Variants in CAMTA1 observed in about 807,000 individuals in gnomAD.
The protein encoded by CAMTA1 is calmodulin-binding transcription activator 1.
Under a neutral mutation model 170.9 loss-of-function variants are expected in CAMTA1, and 27 were observed. That is an observed-to-expected ratio of 0.16 (90% CI 0.12 to 0.22). The LOEUF is 0.22. Ranked by LOEUF, CAMTA1 falls within the 10% of genes least tolerant of loss-of-function variation. CAMTA1 has a pLI of 1.00. For synonymous variants in CAMTA1, 833 were observed against 891.5 expected (o/e 0.93, Z 1.17); for missense variants, 1,619 against 2,217.2 (o/e 0.73, Z 5.42).
Position 7,111,142 on chromosome 1 carries a change from T to C in CAMTA1, c.302+19771T>C, listed in dbSNP as rs534712828. On this transcript the variant is annotated intron_variant, in intron 4 of 22. Coordinates refer to ENST00000303635, the MANE Select transcript of CAMTA1 (RefSeq NM_015215.4). Reference sequence around the variant, plus strand: ...GCTCTCTTTCTCTGACCTCCTCTCCTGAGTCCCCCTTCTACTTCTAATGAC... The same window carrying C: ...GCTCTCTTTCTCTGACCTCCTCTCCCGAGTCCCCCTTCTACTTCTAATGAC... 2.3e-4 allele frequency among the ~76,000 whole-genome samples: 35 copies of C among 152,328 alleles called. No homozygotes were observed. The Middle Eastern group carries it at 0.021, about 89-fold the overall frequency.
At chr1:7,661,609 G>A in intron 7 of CAMTA1, 117 bp from the exon 8 acceptor site, 2 of 1,201,036 alleles carry the variant, frequency 1.7e-6, no homozygotes, top group Non-Finnish European at 2.4e-6. Flanking sequence ...CCAGGAGCCA[G>A]CTCCCCAGCA....
intron 3 of CAMTA1, among the ~76,000 whole-genome samples, chr1:7,060,149 G>A (rs1707990794): frequency 6.6e-6 from 1 of 152,222 alleles, no homozygotes. Flanking sequence ...GGTGGTATGA[G>A]TATGCTGTGG....
At chr1:7,572,610 T>G (rs1303459526) in intron 6 of CAMTA1, among the ~76,000 whole-genome samples, 4 of 152,212 alleles carry the variant, frequency 2.6e-5, no homozygotes, top group Non-Finnish European at 5.9e-5. Context: ...CTTTCCCCAT[T>G]GCTTGTTTTT....
Position 6,850,036 on chromosome 1 carries a change from G to GAA in CAMTA1, c.234+24845_234+24846dup, listed in dbSNP as rs146898163. Among the ~76,000 whole-genome samples, 10 of 65,046 alleles carry GAA rather than the reference G, an allele frequency of 1.5e-4. 1 individual carries two copies. Among genetic ancestry groups the GAA allele is most frequent in the African/African-American group, 2.2e-4 (4 of 18,128 alleles). 42.7% of individuals were successfully genotyped at this position (65,046 alleles called of 152,430 possible). A position where few individuals can be genotyped will look rare whatever the true frequency, so the allele number is the denominator to read the frequency against. ...GGCGACAGAGCAAGACTTTGTCTCA[G>GAA]AAAAAAAAAAAAAAAAAAAAGTTAG... On this transcript the variant is annotated intron_variant, in intron 3 of 22. Transcript: ENST00000303635.
rs552560786 is a variant in CAMTA1, at chr1:7,535,824, A to C, written c.510+67923A>C. Among the ~76,000 whole-genome samples the C allele has an allele frequency of 1.1e-4, 16 of 152,240 alleles. No individual in the cohort carries two copies. In the South Asian group the frequency reaches 3.3e-3, roughly 32 times the overall value. ...ACTTTGAGACCCACAGGCACCTTTC[A>C]AAGAGGCTTCTACCCCACAGGAACC... On this transcript the variant is annotated intron_variant, in intron 6 of 22. Coordinates refer to ENST00000303635, the MANE Select transcript of CAMTA1 (RefSeq NM_015215.4).
chr1:7,571,717 T>A (rs2095128811), intron 6 of CAMTA1, among the ~76,000 whole-genome samples: 1 of 152,230 alleles, frequency 6.6e-6, no homozygotes. Flanking sequence ...ATGTATCACA[T>A]TTTCTTTATC....
rs1055560499 is a variant in CAMTA1, at chr1:7,493,122, A to G, written c.510+25221A>G. Among the ~76,000 whole-genome samples the G allele has an allele frequency of 6.5e-4, 95 of 145,252 alleles. 7 individuals are homozygous for G. Among genetic ancestry groups the G allele is most frequent in the Admixed American group, 1.8e-3 (26 of 14,632 alleles). ...CACAAACCTACATACACACACGCGC[A>G]CACACAGACATACAAACGTGAGCAC... On this transcript the variant is annotated intron_variant, in intron 6 of 22. Transcript: ENST00000303635.
chr1:7,705,369 G>A lies in CAMTA1; in HGVS notation c.2915-27079G>A, dbSNP rs938301832. Among the ~76,000 whole-genome samples the A allele has an allele frequency of 5.3e-5, 8 of 151,508 alleles. No individual in the cohort carries two copies. The East Asian group carries it at 1.6e-3, about 30-fold the overall frequency. ...TGGAGTGGCCGAGGGCGTGAGGGGC[G>A]CGCGTGTTTGTGCGAGGGGCGTGTG... On this transcript the variant is annotated intron_variant, in intron 11 of 22. Coordinates refer to ENST00000303635, the MANE Select transcript of CAMTA1 (RefSeq NM_015215.4).
At chr1:7,355,116 G>T (rs1004059721) in intron 5 of CAMTA1, among the ~76,000 whole-genome samples, 1 of 150,938 alleles carries the variant, frequency 6.6e-6, no homozygotes, top group African/African-American at 2.4e-5. Context: ...TAAGGCAGGA[G>T]AATCGCTTGA....
rs1026319477 is a variant in CAMTA1, at chr1:7,292,743, A to G, written c.438+43117A>G. On this transcript the variant is annotated intron_variant, in intron 5 of 22. Coordinates refer to ENST00000303635, the MANE Select transcript of CAMTA1 (RefSeq NM_015215.4). ...GCCAAATCCTTGCATGCGTTTCTGC[A>G]CTCCTCTGCACCCACGGACCACTCA... 2.6e-5 allele frequency among the ~76,000 whole-genome samples: 4 copies of G among 151,948 alleles called. 1 individual carries two copies. Among genetic ancestry groups the G allele is most frequent in the African/African-American group, 9.7e-5 (4 of 41,364 alleles).
intron 5 of CAMTA1, among the ~76,000 whole-genome samples, chr1:7,258,494 G>T (rs1158564317): frequency 6.6e-6 from 1 of 152,134 alleles, no homozygotes; most frequent in Non-Finnish European, 1.5e-5. Flanking sequence ...AATTCACCAA[G>T]GGCCATTCTC....
intron 6 of CAMTA1, among the ~76,000 whole-genome samples, chr1:7,601,962 G>A (rs530888830): frequency 2.3e-4 from 32 of 140,956 alleles, no homozygotes; most frequent in Non-Finnish European, 3.8e-4. Flanking sequence ...CGTGGGGAGA[G>A]GGAGACTGTG....
chr1:7,065,216 C>T lies in CAMTA1; in HGVS notation c.235-26088C>T, dbSNP rs957873364. ...TCAACAACATCTGGCAGGGCTCAGG[C>T]ACTTAGAGGGCAGGGGAAGGAGGAG... On this transcript the variant is annotated intron_variant, in intron 3 of 22. Coordinates refer to ENST00000303635, the MANE Select transcript of CAMTA1 (RefSeq NM_015215.4). This position sits in a 1 kb window ranked among gnomAD's most constrained non-coding sequence, Gnocchi z 5.2. Among the ~76,000 whole-genome samples, 3 of 151,966 alleles carry T rather than the reference C, an allele frequency of 2.0e-5. No homozygotes were observed. Among genetic ancestry groups the T allele is most frequent in the African/African-American group, 7.3e-5 (3 of 41,368 alleles).
intron 6 of CAMTA1, among the ~76,000 whole-genome samples, chr1:7,542,725 C>T (rs867837737): frequency 6.6e-5 from 10 of 152,032 alleles, no homozygotes; most frequent in Middle Eastern, 3.4e-3. Flanking sequence ...GACGGGATTT[C>T]GCCATGTTGG....
intron 5 of CAMTA1, among the ~76,000 whole-genome samples, chr1:7,314,176 T>G (rs1677153028): frequency 6.6e-6 from 1 of 152,236 alleles, no homozygotes; most frequent in African/African-American, 2.4e-5. Flanking sequence ...GGTGCTGTTC[T>G]TCCATCCAGA....
chr1:6,811,865 C>T (rs147314267), intron 1 of CAMTA1, among the ~76,000 whole-genome samples: 46 of 152,284 alleles, frequency 3.0e-4, no homozygotes, highest in African/African-American at 8.4e-4. Flanking sequence ...TGCTCTGTTA[C>T]GAGAAACAGT....
At chr1:7,105,444 C>A (rs114417329) in intron 4 of CAMTA1, among the ~76,000 whole-genome samples, 24 of 152,332 alleles carry the variant, frequency 1.6e-4, no homozygotes, top group African/African-American at 5.8e-4. Flanking sequence ...GGGAACTTCC[C>A]ATGAAGGGCA....
chr1:7,452,393 A>C (rs1029916699), intron 5 of CAMTA1, among the ~76,000 whole-genome samples: 5 of 152,180 alleles, frequency 3.3e-5, no homozygotes, highest in African/African-American at 4.8e-5. Context: ...ATAATGCAAA[A>C]TTAACTTTTT....
intron 3 of CAMTA1, among the ~76,000 whole-genome samples, chr1:6,877,189 TTCTGCGCTCCCCCTC>T (rs1355898205): frequency 6.6e-6 from 1 of 152,214 alleles, no homozygotes; most frequent in Non-Finnish European, 1.5e-5. Context: ...GTAATCATCC[TTCTGCGCTCCCCCTC>T]CCATGGAAAC....
Sources: allele counts gnomAD v4.1 joint callset (sites outside exome capture counted in the v4.1 genomes callset), GRCh38; gene constraint gnomAD v4.1.1; non-coding constraint Gnocchi (gnomAD v3.1); transcripts MANE v1.5; gene names NCBI Gene and HGNC (gene_info 2026-07-23, HGNC 2026-07-21).